The following TRIM44 variants were observed in gnomAD, a reference collection of about 807,000 sequenced individuals.
TRIM44 encodes the protein tripartite motif containing 44.
A neutral mutation model predicts 37.4 loss-of-function variants in TRIM44; 13 were observed. The ratio of observed to expected loss-of-function variants is 0.35; its 90% CI spans 0.23 to 0.55. TRIM44 has a LOEUF of 0.55. Ranked by LOEUF, TRIM44 falls within the 20% of genes least tolerant of loss-of-function variation. The pLI, the probability that TRIM44 is intolerant of heterozygous loss-of-function variation, is 0.89. For missense variants in TRIM44, 426 were observed against 437.2 expected, an observed-to-expected ratio of 0.97 and a Z score of 0.23; for synonymous variants, 175 against 157.2, an observed-to-expected ratio of 1.11 and a Z score of -0.85.
chr11:35,711,299 T>A (rs1003127633), intron 2 of TRIM44, among the ~76,000 whole-genome samples: 4 of 152,194 alleles, frequency 2.6e-5, no homozygotes, highest in Non-Finnish European at 5.9e-5. Flanking sequence ...TAATTTTCTT[T>A]TTCCTTTTCT....
intron 4 of TRIM44, among the ~76,000 whole-genome samples, chr11:35,754,614 C>G (rs998375498): frequency 2.0e-5 from 3 of 151,888 alleles, no homozygotes; most frequent in African/African-American, 7.3e-5. Flanking sequence ...AGTAACTCAT[C>G]ATTTAACATT....
At chr11:35,698,179 C>T (rs1258867425) in intron 2 of TRIM44, among the ~76,000 whole-genome samples, 3 of 146,810 alleles carry the variant, frequency 2.0e-5, no homozygotes, top group African/African-American at 7.6e-5. Context: ...TTAATCCAGT[C>T]TATCATTGTT....
In TRIM44 at chr11:35,713,467, A is replaced by G. The variant is rs571166464; in HGVS notation, c.748-12457A>G. The stretch of plus-strand genomic sequence containing the variant: ...GTATTCCAATGTAGTATTTGTTCAG[A>G]CTTAAGGGTAAAAGTTTACATTGAA... On this transcript the variant is annotated intron_variant, in intron 2 of 4. Coordinates refer to ENST00000299413, the MANE Select transcript of TRIM44 (RefSeq NM_017583.6). Among the ~76,000 whole-genome samples the G allele has an allele frequency of 5.3e-4, 80 of 150,558 alleles. 1 individual carries two copies. The South Asian group carries it at 0.017, about 31-fold the overall frequency.
rs181084587 is a variant in TRIM44, at chr11:35,716,702, T to A, written c.748-9222T>A. Among the ~76,000 whole-genome samples, 3 of 152,312 alleles carry A rather than the reference T, an allele frequency of 2.0e-5. No individual in the cohort carries two copies. The East Asian group carries it at 5.8e-4, about 29-fold the overall frequency. ...CTTGACTCCAGAGTTTGGAGCCTGA[T>A]AACTGCCTAAATCATGGCGTCATTA... On this transcript the variant is annotated intron_variant, in intron 2 of 4. Coordinates refer to ENST00000299413, the MANE Select transcript of TRIM44 (RefSeq NM_017583.6).
chr11:35,693,225 G>A (rs534451937), intron 2 of TRIM44, among the ~76,000 whole-genome samples: 2 of 152,228 alleles, frequency 1.3e-5, no homozygotes, highest in Admixed American at 1.3e-4. Flanking sequence ...TTAGGTTGTA[G>A]TTCATCCACA....
chr11:35,783,973 C>T (rs550192198), intron 4 of TRIM44, among the ~76,000 whole-genome samples: 1 of 152,304 alleles, frequency 6.6e-6, no homozygotes, highest in African/African-American at 2.4e-5. Context: ...GCAGCAGTCA[C>T]CCCATCTATC....
chr11:35,746,763 C>A (rs969412640), intron 4 of TRIM44, among the ~76,000 whole-genome samples: 1 of 152,006 alleles, frequency 6.6e-6, no homozygotes, highest in Non-Finnish European at 1.5e-5. Context: ...CTTGTTTGGA[C>A]CCAGGACCTA....
Position 35,725,952 on chromosome 11 carries a change from T to C in TRIM44, c.776T>C (p.Ile259Thr). The C allele has an allele frequency of 6.2e-7, 1 of 1,614,110 alleles. No individual in the cohort carries two copies. Among genetic ancestry groups the C allele is most frequent in the Non-Finnish European group, 8.5e-7 (1 of 1,179,986 alleles). Residue 259 changes from isoleucine (I) to threonine (T), a missense_variant, in exon 3 of 5, where the codon ATA becomes ACA. Physicochemically the swap from Ile to Thr is moderately conservative, Grantham distance 89. Transcript: ENST00000299413. The part of the protein sequence containing the change: ...KVTRDQMKMF[I>T]QQEFKKVQKV... ...ACTCGGGACCAAATGAAGATGTTTA[T>C]ACAGCAGGAATTTAAGAAAGTTCAG...
At position 35,722,108 on chromosome 11, in the gene TRIM44, A is replaced by G. The variant is rs553134314; in HGVS notation, c.748-3816A>G. Among the ~76,000 whole-genome samples the G allele has an allele frequency of 1.6e-4, 24 of 152,350 alleles. No individual in the cohort carries two copies. The South Asian group carries it at 5.0e-3, about 32-fold the overall frequency. ...GACACTGTGCTGTGGGAGTGTGGACAGCTTGTAGCATCTGAAAAAGTTCCA... is the reference window on the plus strand; with the variant it reads ...GACACTGTGCTGTGGGAGTGTGGACGGCTTGTAGCATCTGAAAAAGTTCCA... On this transcript the variant is annotated intron_variant, in intron 2 of 4. Coordinates refer to ENST00000299413, the MANE Select transcript of TRIM44 (RefSeq NM_017583.6).
At chr11:35,670,699 T>G (rs1851384391) in intron 1 of TRIM44, among the ~76,000 whole-genome samples, 1 of 152,256 alleles carries the variant, frequency 6.6e-6, no homozygotes, top group Non-Finnish European at 1.5e-5. Context: ...TTTAGAGATC[T>G]ATTTCTCTGG....
chr11:35,704,291 A>G (rs1851841984), intron 2 of TRIM44, among the ~76,000 whole-genome samples: 1 of 152,238 alleles, frequency 6.6e-6, no homozygotes, highest in African/African-American at 2.4e-5. Flanking sequence ...TGATTGGTGT[A>G]CCTGAAAGTG....
intron 2 of TRIM44, among the ~76,000 whole-genome samples, chr11:35,721,866 A>G (rs548828363): frequency 1.3e-5 from 2 of 152,336 alleles, no homozygotes; most frequent in East Asian, 1.9e-4. Context: ...CTGATACACA[A>G]AAGACACAAG....
At chr11:35,696,763 C>T (rs1006072612) in intron 2 of TRIM44, among the ~76,000 whole-genome samples, 6 of 151,572 alleles carry the variant, frequency 4.0e-5, no homozygotes, top group African/African-American at 1.5e-4. Context: ...AGGAGAATTG[C>T]TTGAACCCAG....
chr11:35,716,649 G>T (rs944473545), intron 2 of TRIM44, among the ~76,000 whole-genome samples: 1 of 152,150 alleles, frequency 6.6e-6, no homozygotes, highest in African/African-American at 2.4e-5. Context: ...TAAGTCAAGA[G>T]ACCTATTATC....
Position 35,813,956 on chromosome 11 carries a change from G to T in TRIM44, c.*7571G>T, listed in dbSNP as rs1853554323. 1 of 152,076 alleles carries T rather than the reference G, an allele frequency of 6.6e-6. No individual in the cohort carries two copies. Among genetic ancestry groups the T allele is most frequent in the African/African-American group, 2.4e-5 (1 of 41,400 alleles). The allele number at this position is 152,076 out of a possible 1,614,324, so 9.4% of individuals were successfully genotyped here. A position where few individuals can be genotyped will look rare whatever the true frequency, so the allele number is the denominator to read the frequency against. On this transcript the variant is annotated 3_prime_UTR_variant, in exon 5 of 5. Transcript: ENST00000299413. ...ATGCTACAGTGCTTTGCATATAATG[G>T]CATGAACAGTGGAGGTGCCAACTTT...
chr11:35,751,568 T>C (rs1171457335), intron 4 of TRIM44, among the ~76,000 whole-genome samples: 2 of 152,222 alleles, frequency 1.3e-5, no homozygotes, highest in African/African-American at 4.8e-5. Flanking sequence ...GTACCTACTA[T>C]GTATTAAGAA....
chr11:35,729,113 A>G (rs905084825), intron 3 of TRIM44, among the ~76,000 whole-genome samples: 21 of 151,966 alleles, frequency 1.4e-4, no homozygotes, highest in South Asian at 6.2e-4. Flanking sequence ...GGTTTTCTTT[A>G]CTTCCTATGT....
chr11:35,746,137 TGAG>T (rs1179645944), intron 4 of TRIM44, among the ~76,000 whole-genome samples: 4 of 152,214 alleles, frequency 2.6e-5, no homozygotes, highest in African/African-American at 7.2e-5. Context: ...GATCCAATGC[TGAG>T]GAGTCTAGCT....
At chr11:35,743,599 G>C (rs1852443009) in intron 4 of TRIM44, among the ~76,000 whole-genome samples, 1 of 152,270 alleles carries the variant, frequency 6.6e-6, no homozygotes, top group South Asian at 2.1e-4. Context: ...TATTTGATTT[G>C]TGTCTGTTTT....
Sources: allele counts gnomAD v4.1 joint callset (sites outside exome capture counted in the v4.1 genomes callset), GRCh38; gene constraint gnomAD v4.1.1; transcripts MANE v1.5; gene names NCBI Gene and HGNC (gene_info 2026-07-23, HGNC 2026-07-21).